The following SERPINE2 variants were observed in gnomAD, a reference collection of about 807,000 sequenced individuals.
SERPINE2 encodes the protein serpin family E member 2.
SERPINE2 carries 14 observed loss-of-function variants against 36.3 expected under a neutral mutation model. The observed-to-expected ratio is 0.39, with a 90% CI of 0.25 to 0.60. The LOEUF (loss-of-function observed/expected upper bound fraction) is 0.60, where lower values mean the gene tolerates loss of function less well. Among genes scored for constraint, SERPINE2 ranks in the 20% least tolerant of loss-of-function variants. The pLI is 0.57. For missense variants in SERPINE2, 418 were observed against 499.6 expected (o/e 0.84, Z 1.56); for synonymous variants, 192 against 191.8 (o/e 1.00, Z -0.01).
At chr2:224,009,514 G>A (rs1433018953) in intron 1 of SERPINE2, among the ~76,000 whole-genome samples, 1 of 152,114 alleles carries the variant, frequency 6.6e-6, no homozygotes, top group East Asian at 1.9e-4. Flanking sequence ...GGCCAACATG[G>A]CTTAACCCTG....
At chr2:224,004,464 T>C (rs1301098621) in intron 1 of SERPINE2, among the ~76,000 whole-genome samples, 3 of 152,228 alleles carry the variant, frequency 2.0e-5, no homozygotes, top group African/African-American at 7.2e-5. Context: ...CTACATACGC[T>C]GCTCCCGCTT....
intron 1 of SERPINE2, among the ~76,000 whole-genome samples, chr2:224,031,749 T>TCCACCCC (rs1176771363): frequency 7.3e-6 from 1 of 137,644 alleles, no homozygotes; most frequent in Non-Finnish European, 1.5e-5. Context: ...CCCTAGGATT[T>TCCACCCC]CCACCCCCCA....
chr2:223,991,786 G>T lies in SERPINE2; in HGVS notation c.685+17C>A. ...GCCAGCACATCCTAGAACAGGCTTC[G>T]CTGAGCATGAACTCACCACACCGGA... is the stretch of plus-strand genomic sequence containing the variant. On this transcript the variant is annotated intron_variant, in intron 4 of 8. Coordinates refer to ENST00000409304, the MANE Select transcript of SERPINE2 (RefSeq NM_001136528.2). The T allele has an allele frequency of 6.2e-7, 1 of 1,612,894 alleles. No homozygotes were observed. The highest frequency in any genetic ancestry group is 2.2e-5 in the East Asian group (1 of 44,876).
chr2:223,984,692 A>ACAT, intron 5 of SERPINE2, 60 bp downstream of exon 5: 1 of 1,522,186 alleles, frequency 6.6e-7, no homozygotes, highest in Non-Finnish European at 9.0e-7. Context: ...CTGGTGTCCG[A>ACAT]CATAACACCT....
chr2:223,996,816 C>T (rs149790106), intron 3 of SERPINE2, among the ~76,000 whole-genome samples: 4,210 of 152,296 alleles, frequency 0.028, 147 homozygotes, highest in African/African-American at 0.079. Flanking sequence ...GGGGCTCATG[C>T]CTATAATCCC....
chr2:223,995,353 T>A (rs1173940085), intron 3 of SERPINE2, among the ~76,000 whole-genome samples: 2 of 152,216 alleles, frequency 1.3e-5, no homozygotes, highest in Non-Finnish European at 2.9e-5. Flanking sequence ...TCATGTACCT[T>A]TCAGTGGGGG....
intron 1 of SERPINE2, among the ~76,000 whole-genome samples, chr2:224,032,460 A>T (rs189204372): frequency 0.02 from 3,048 of 152,260 alleles, 48 homozygotes; most frequent in Middle Eastern, 0.031. Flanking sequence ...TGCTCTCAAG[A>T]GAAATTCCCC....
chr2:223,996,981 G>T (rs1690914109), intron 3 of SERPINE2, among the ~76,000 whole-genome samples: 1 of 152,168 alleles, frequency 6.6e-6, no homozygotes, highest in Admixed American at 6.5e-5. Context: ...AAAGGCTGAG[G>T]TGGGAGGATT....
Position 223,991,939 on chromosome 2 carries a change from G to A in SERPINE2, c.549C>T (p.Leu183=), listed in dbSNP as rs761638479. The A allele has an allele frequency of 3.7e-5, 60 of 1,613,432 alleles. No individual in the cohort carries two copies. The South Asian group carries it at 5.1e-4, about 14-fold the overall frequency. The change falls in exon 4 of 9, where the codon CTC becomes CTT. Residue 183 remains leucine (L), a synonymous_variant. Transcript: ENST00000409304. ...GACCCTTGAAATACACTGCGTTGACGAGGACCAGTCTGGTGAGCACACCAT... is the reference window on the plus strand; with the variant it reads ...GACCCTTGAAATACACTGCGTTGACAAGGACCAGTCTGGTGAGCACACCAT... The part of the protein sequence containing the change: ...LIDGVLTRLV[L]VNAVYFKGLW...
At chr2:224,031,430 C>T (rs749108566) in intron 1 of SERPINE2, 252 of 985,442 alleles carry the variant, frequency 2.6e-4, no homozygotes, top group Non-Finnish European at 3.0e-4. Flanking sequence ...AGCTGGGGAA[C>T]GCCAGGCAGC....
chr2:223,984,862 C>A lies in SERPINE2; in HGVS notation c.774G>T (p.Pro258=), dbSNP rs754639728. Residue 258 remains proline, a synonymous_variant, in exon 5 of 9, where the codon CCG becomes CCT. Coordinates refer to ENST00000409304, the MANE Select transcript of SERPINE2 (RefSeq NM_001136528.2). ...GESISMLIAL[P]TESSTPLSAI... The stretch of plus-strand genomic sequence containing the variant: ...CAGACAGCGGAGTGGAGCTCTCAGT[C>A]GGCAGTGCAATCAGCATGCTGATGC... The A allele has an allele frequency of 2.5e-6, 4 of 1,614,108 alleles. No homozygotes were observed. Among genetic ancestry groups the A allele is most frequent in the South Asian group, 2.2e-5 (2 of 91,074 alleles).
intron 3 of SERPINE2, among the ~76,000 whole-genome samples, chr2:223,993,771 GTGC>G (rs774831370): frequency 2.2e-4 from 33 of 152,102 alleles, no homozygotes; most frequent in African/African-American, 5.6e-4. Flanking sequence ...TTCCCACAGC[GTGC>G]TGCTAAGACA....
chr2:223,981,964 C>T (rs1013258267), intron 6 of SERPINE2: 1 of 151,254 alleles, frequency 6.6e-6, no homozygotes, highest in African/African-American at 2.4e-5. Flanking sequence ...GCGACAACAC[C>T]TAAGTCAGAG....
At chr2:224,032,990 G>A (rs1692426902) in intron 1 of SERPINE2, among the ~76,000 whole-genome samples, 1 of 152,208 alleles carries the variant, frequency 6.6e-6, no homozygotes, top group Non-Finnish European at 1.5e-5. Flanking sequence ...TGGATGGGAG[G>A]TGGTATTTCT....
intron 1 of SERPINE2, among the ~76,000 whole-genome samples, chr2:224,036,826 A>C (rs2106208337): frequency 6.6e-6 from 1 of 152,028 alleles, no homozygotes; most frequent in South Asian, 2.1e-4. Flanking sequence ...CATTCTTAAA[A>C]TACTACTAAA....
At chr2:223,983,419 A>C (rs1690298522) in intron 5 of SERPINE2, among the ~76,000 whole-genome samples, 1 of 151,932 alleles carries the variant, frequency 6.6e-6, no homozygotes, top group African/African-American at 2.4e-5. Context: ...ATGCCTGGCT[A>C]ATTTTTTATA....
At chr2:223,989,090 G>C (rs1559198673) in intron 4 of SERPINE2, among the ~76,000 whole-genome samples, 1 of 152,116 alleles carries the variant, frequency 6.6e-6, no homozygotes, top group Non-Finnish European at 1.5e-5. Flanking sequence ...TGTACATGGA[G>C]GTATACTGAG....
chr2:224,020,379 A>G lies in SERPINE2; in HGVS notation c.-22-18457T>C, dbSNP rs367824407. 2.0e-5 allele frequency among the ~76,000 whole-genome samples: 3 copies of G among 152,316 alleles called. No homozygotes were observed. In the South Asian group the frequency reaches 6.2e-4, roughly 32 times the overall value. ...ACCATTCATTTGTGTTTGGCATATA[A>G]AAACAGAATAGAAACAAGATAACAC... On this transcript the variant is annotated intron_variant, in intron 1 of 8. Transcript: ENST00000409304.
At chr2:224,013,620 T>C (rs1490965910) in intron 1 of SERPINE2, among the ~76,000 whole-genome samples, 1 of 152,244 alleles carries the variant, frequency 6.6e-6, no homozygotes, top group East Asian at 1.9e-4. Flanking sequence ...GGTTTTTCTC[T>C]CAGTGGCTGG....
Sources: allele counts gnomAD v4.1 joint callset (sites outside exome capture counted in the v4.1 genomes callset), GRCh38; gene constraint gnomAD v4.1.1; transcripts MANE v1.5; gene names NCBI Gene and HGNC (gene_info 2026-07-23, HGNC 2026-07-21).